Variants in FOXN3 observed in about 807,000 individuals in gnomAD.
FOXN3 encodes forkhead box protein N3.
A neutral mutation model predicts 38.4 loss-of-function variants in FOXN3; 7 were observed. The ratio of observed to expected loss-of-function variants is 0.18; its 90% CI spans 0.10 to 0.34. FOXN3 has a LOEUF of 0.34. Among genes scored for constraint, FOXN3 ranks in the 10% least tolerant of loss-of-function variants. The probability of loss-of-function intolerance (pLI) is 1.00; values close to 1 mark genes in which losing one functional copy is unlikely to be tolerated. For synonymous variants in FOXN3, 230 were observed against 242.2 expected (o/e 0.95, Z 0.47); for missense variants, 456 against 613.4 (o/e 0.74, Z 2.71).
chr14:89,262,634 T>G (rs1319205041), intron 4 of FOXN3, among the ~76,000 whole-genome samples: 1 of 152,176 alleles, frequency 6.6e-6, no homozygotes, highest in African/African-American at 2.4e-5. Flanking sequence ...TACAAACATA[T>G]CTGAGATTCC....
intron 5 of FOXN3, among the ~76,000 whole-genome samples, chr14:89,170,025 G>A (rs1012311694): frequency 6.6e-6 from 1 of 152,102 alleles, no homozygotes; most frequent in Non-Finnish European, 1.5e-5. Context: ...AGAAAAACAG[G>A]TTAAAAGTAA....
At chr14:89,182,133 T>C (rs1887690475) in intron 4 of FOXN3, among the ~76,000 whole-genome samples, 1 of 152,208 alleles carries the variant, frequency 6.6e-6, no homozygotes, top group African/African-American at 2.4e-5. Context: ...GGACATTAGG[T>C]GTGTAAGCCA....
At position 89,609,515 on chromosome 14, in the gene FOXN3, C is replaced by G. The variant is rs574384601; in HGVS notation, c.-15+9513G>C. Among the ~76,000 whole-genome samples, 27 of 152,270 alleles carry G rather than the reference C, an allele frequency of 1.8e-4. No individual in the cohort carries two copies. The South Asian group carries it at 5.4e-3, about 30-fold the overall frequency. On this transcript the variant is annotated intron_variant, in intron 1 of 6. Coordinates refer to the FOXN3 transcript ENST00000345097. ...TGAGTTGCAACCACGTGCCAGGCTC[C>G]GTGCCAAGTGCTTTTCAGGGACTCA... is the stretch of plus-strand genomic sequence containing the variant.
At chr14:89,377,703 C>A (rs182643172) in intron 2 of FOXN3, among the ~76,000 whole-genome samples, 2 of 152,320 alleles carry the variant, frequency 1.3e-5, no homozygotes, top group East Asian at 3.9e-4. Flanking sequence ...GCAGAGAGAA[C>A]CTGCCCTCTA....
chr14:89,453,030 C>T (rs1892645096), intron 1 of FOXN3, among the ~76,000 whole-genome samples: 1 of 151,834 alleles, frequency 6.6e-6, no homozygotes, highest in Admixed American at 6.6e-5. Flanking sequence ...GAAACTCCGT[C>T]CCTATTAAAA....
chr14:89,586,111 G>A (rs530892814), intron 1 of FOXN3, among the ~76,000 whole-genome samples: 2 of 151,946 alleles, frequency 1.3e-5, no homozygotes, highest in African/African-American at 2.4e-5. Flanking sequence ...ATCTCTATCC[G>A]ATTCAGCTTG....
intron 1 of FOXN3, among the ~76,000 whole-genome samples, chr14:89,451,888 G>A (rs1157455352): frequency 2.6e-5 from 4 of 151,944 alleles, no homozygotes; most frequent in South Asian, 2.1e-4. Flanking sequence ...GAATCATACC[G>A]ACCCCAGAGG....
intron 3 of FOXN3, among the ~76,000 whole-genome samples, chr14:89,340,829 T>G (rs1888593666): frequency 1.3e-5 from 2 of 151,838 alleles, no homozygotes. Flanking sequence ...ACAAGGGAGG[T>G]AATTGTAGGG....
chr14:89,575,634 C>G lies in FOXN3; in HGVS notation c.-15+43394G>C, dbSNP rs141374375. On this transcript the variant is annotated intron_variant, in intron 1 of 6. Transcript: ENST00000345097. Reference sequence around the variant, plus strand: ...TGGAAGCAGAAGGAGCTGCCACGCTCGGGCCCTTGGAGGCTGCTTAGGGGA... The same window carrying G: ...TGGAAGCAGAAGGAGCTGCCACGCTGGGGCCCTTGGAGGCTGCTTAGGGGA... Among the ~76,000 whole-genome samples the G allele has an allele frequency of 4.5e-3, 692 of 152,262 alleles. 3 individuals carry two copies. Among genetic ancestry groups the G allele is most frequent in the Non-Finnish European group, 7.7e-3 (522 of 68,022 alleles).
At chr14:89,370,560 G>A (rs1055230111) in intron 2 of FOXN3, among the ~76,000 whole-genome samples, 7 of 152,224 alleles carry the variant, frequency 4.6e-5, no homozygotes, top group African/African-American at 1.7e-4. Flanking sequence ...CCCAGCAAGC[G>A]GAAGCCAAGG....
At chr14:89,242,253 A>G (rs1885162520) in intron 4 of FOXN3, among the ~76,000 whole-genome samples, 1 of 152,220 alleles carries the variant, frequency 6.6e-6, no homozygotes, top group African/African-American at 2.4e-5. Context: ...GCTATTATAC[A>G]TGCTTGGCCT....
At chr14:89,296,538 C>A (rs1051964190) in intron 3 of FOXN3, among the ~76,000 whole-genome samples, 1 of 152,200 alleles carries the variant, frequency 6.6e-6, no homozygotes, top group Non-Finnish European at 1.5e-5. Context: ...GCAGCTGGGC[C>A]AAGAGCTCCC....
intron 3 of FOXN3, among the ~76,000 whole-genome samples, chr14:89,285,961 G>A (rs1886617062): frequency 6.6e-6 from 1 of 151,574 alleles, no homozygotes; most frequent in Non-Finnish European, 1.5e-5. Flanking sequence ...CCAGCTCCTG[G>A]ACTCAAGCAA....
rs1223514980 is a variant in FOXN3 at position 89,412,858 on chromosome 14, G to A, written c.-14-368C>T. Among the ~76,000 whole-genome samples the A allele has an allele frequency of 6.6e-6, 1 of 152,106 alleles. No individual in the cohort carries two copies. Among genetic ancestry groups the A allele is most frequent in the African/African-American group, 2.4e-5 (1 of 41,398 alleles). On this transcript the variant is annotated intron_variant, in intron 1 of 5. Coordinates refer to ENST00000557258, the MANE Select transcript of FOXN3 (RefSeq NM_005197.4). This position sits in a 1 kb window ranked among gnomAD's most constrained non-coding sequence, Gnocchi z 4.7. ...GTTTTAAAGTACGTTAAATTTTACTGTGAATTATTTTTTCTTCCAGAACAG... is the reference window on the plus strand; with the variant it reads ...GTTTTAAAGTACGTTAAATTTTACTATGAATTATTTTTTCTTCCAGAACAG...
Position 89,574,985 on chromosome 14 carries a change from G to A in FOXN3, c.-15+44043C>T, listed in dbSNP as rs572478365. ...TCTACTGCTACCCCACCAGCTGATC[G>A]GTATGCAAACAAGGCCAGCGGGAAG... is the stretch of plus-strand genomic sequence containing the variant. On this transcript the variant is annotated intron_variant, in intron 1 of 6. Coordinates refer to the FOXN3 transcript ENST00000345097. Among the ~76,000 whole-genome samples the A allele has an allele frequency of 3.9e-5, 6 of 152,280 alleles. No homozygotes were observed. The South Asian group carries it at 8.3e-4, about 21-fold the overall frequency.
Position 89,477,827 on chromosome 14 carries a change from A to C in FOXN3, c.-14-65337T>G, listed in dbSNP as rs150931848. Among the ~76,000 whole-genome samples the C allele has an allele frequency of 7.1e-4, 108 of 152,260 alleles. 1 individual carries two copies. The highest frequency in any genetic ancestry group is 2.6e-3 in the African/African-American group (106 of 41,538). ...GCCATGTGTAAATAGGCATTGAGTC[A>C]ATTTTTTATGGCAATCGTGATAATG... is the stretch of plus-strand genomic sequence containing the variant. On this transcript the variant is annotated intron_variant, in intron 1 of 6. Transcript: ENST00000345097.
chr14:89,308,504 T>A (rs1008623243), intron 3 of FOXN3, among the ~76,000 whole-genome samples: 2 of 152,178 alleles, frequency 1.3e-5, no homozygotes, highest in Admixed American at 1.3e-4. Flanking sequence ...AAAGGTGTCA[T>A]TCTGTGAATG....
intron 4 of FOXN3, among the ~76,000 whole-genome samples, chr14:89,272,287 TGGGTGACA>T (rs1182998270): frequency 2.6e-5 from 4 of 152,026 alleles, no homozygotes; most frequent in Non-Finnish European, 5.9e-5. Flanking sequence ...CACTCCAGCC[TGGGTGACA>T]GAGCGAAACT....
intron 1 of FOXN3, among the ~76,000 whole-genome samples, chr14:89,606,692 G>C (rs1896282486): frequency 6.6e-6 from 1 of 151,926 alleles, no homozygotes. Context: ...TCTACCAAAA[G>C]TATAAAAATT....
Sources: gnomAD v4.1 joint callset for allele counts (sites outside exome capture counted in the v4.1 genomes callset) on GRCh38, gnomAD v4.1.1 for gene constraint, Gnocchi (gnomAD v3.1) non-coding constraint, MANE v1.5 for transcripts, NCBI Gene and HGNC (gene_info 2026-07-23, HGNC 2026-07-21) for gene names.